Variants in TLN2 observed in about 807,000 individuals in gnomAD.
TLN2 encodes the protein talin-2.
A neutral mutation model predicts 294.7 loss-of-function variants in TLN2; 118 were observed. That is an observed-to-expected ratio of 0.40 (90% CI 0.34 to 0.47). The LOEUF (loss-of-function observed/expected upper bound fraction) is 0.47. TLN2 is among the 20% of genes least tolerant of loss of function. TLN2 has a pLI of 0.84. For missense variants in TLN2, 3,083 were observed against 3,282.2 expected, an observed-to-expected ratio of 0.94 and a Z score of 1.48; for synonymous variants, 1,431 against 1,304.5, an observed-to-expected ratio of 1.10 and a Z score of -2.09.
At chr15:62,646,131 GTCTCGTCTCA>G (rs778581942) in intron 3 of TLN2, among the ~76,000 whole-genome samples, 37 of 151,820 alleles carry the variant, frequency 2.4e-4, no homozygotes, top group East Asian at 3.9e-4. Context: ...CTAAACCTGT[GTCTCGTCTCA>G]TCTCGTCTCA....
chr15:62,623,549 T>C (rs2049015982), intron 3 of TLN2, among the ~76,000 whole-genome samples: 1 of 152,242 alleles, frequency 6.6e-6, no homozygotes, highest in South Asian at 2.1e-4. Flanking sequence ...GAATGCATCG[T>C]ACCTAAATTA....
At chr15:62,600,779 C>G (rs115523892) in intron 2 of TLN2, among the ~76,000 whole-genome samples, 1,966 of 152,348 alleles carry the variant, frequency 0.013, 40 homozygotes, top group African/African-American at 0.045. Flanking sequence ...CCCCTTCCCT[C>G]TTCCCACCCA....
In TLN2 at chr15:62,835,724, CT is replaced by C. The variant is rs1249743751; in HGVS notation, c.7129-12del. 6.2e-7 allele frequency: 1 copy of C among 1,614,138 alleles called. No homozygotes were observed. Among genetic ancestry groups the C allele is most frequent in the Admixed American group, 1.7e-5 (1 of 60,026 alleles). ...CCTGCCCTCATGGCCAATTTCTCGA[CT>C]CTACTCTCTAGGTGGGCTCCATCCC... is the stretch of plus-strand genomic sequence containing the variant. On this transcript the variant is annotated splice_polypyrimidine_tract_variant and intron_variant, in intron 55 of 58. Transcript: ENST00000636159.
chr15:62,692,420 G>T (rs1035370211), intron 12 of TLN2, among the ~76,000 whole-genome samples: 1 of 152,250 alleles, frequency 6.6e-6, no homozygotes, highest in Admixed American at 6.5e-5. Flanking sequence ...AGCCCAGGTT[G>T]TTGAGCTGGA....
chr15:62,410,591 C>T (rs2033713074), intron 1 of TLN2, among the ~76,000 whole-genome samples: 1 of 152,200 alleles, frequency 6.6e-6, no homozygotes, highest in Admixed American at 6.5e-5. Flanking sequence ...TGTTTGAAAA[C>T]TGTTCTTTGT....
rs1472965200 is a variant in TLN2, at chr15:62,805,665, A to AGGT, written c.6545_6546insTGG (p.Gly2182dup). 2.7e-5 allele frequency: 44 copies of AGGT among 1,614,044 alleles called. No homozygotes were observed. The highest frequency in any genetic ancestry group is 4.2e-6 in the Non-Finnish European group (5 of 1,180,008). ...CTGAAGAATCCATAAGGATGACGAAAGGCATCACCATGGCAACAGCCAAAG... is the reference window on the plus strand; with the variant it reads ...CTGAAGAATCCATAAGGATGACGAAAGGTGGCATCACCATGGCAACAGCCAAAG... On this transcript the variant is annotated inframe_insertion, in exon 51 of 59. Transcript: ENST00000636159.
chr15:62,521,341 C>A (rs2040446399), intron 1 of TLN2, among the ~76,000 whole-genome samples: 1 of 151,942 alleles, frequency 6.6e-6, no homozygotes, highest in Non-Finnish European at 1.5e-5. Context: ...TGTTGTTAAC[C>A]AAAAAACCTA....
chr15:62,678,961 C>G (rs1046760467), intron 11 of TLN2, among the ~76,000 whole-genome samples: 2 of 150,854 alleles, frequency 1.3e-5, no homozygotes, highest in Non-Finnish European at 2.9e-5. Flanking sequence ...ATTGCTTTAG[C>G]AAATGAAGGA....
chr15:62,424,277 C>G (rs1203841905), intron 1 of TLN2, among the ~76,000 whole-genome samples: 2 of 152,192 alleles, frequency 1.3e-5, no homozygotes, highest in Non-Finnish European at 2.9e-5. Context: ...GTACCCTACG[C>G]TCCCTTTGAG....
intron 1 of TLN2, among the ~76,000 whole-genome samples, chr15:62,432,080 G>A (rs1174060649): frequency 1.3e-5 from 2 of 152,052 alleles, no homozygotes; most frequent in African/African-American, 2.4e-5. Flanking sequence ...TGGTGTAATA[G>A]CAGTTGGGCT....
At chr15:62,732,112 T>C (rs1363793498) in intron 28 of TLN2, among the ~76,000 whole-genome samples, 1 of 152,188 alleles carries the variant, frequency 6.6e-6, no homozygotes, top group Admixed American at 6.5e-5. Flanking sequence ...AGGAAAGGTA[T>C]GATAAAATTC....
At chr15:62,697,159 G>A (rs1275086037) in intron 14 of TLN2, among the ~76,000 whole-genome samples, 3 of 152,068 alleles carry the variant, frequency 2.0e-5, no homozygotes, top group Non-Finnish European at 2.9e-5. Flanking sequence ...CCAGGCTGGA[G>A]TACAGTGGCG....
chr15:62,687,303 G>C (rs1363082705), intron 12 of TLN2, among the ~76,000 whole-genome samples: 2 of 152,200 alleles, frequency 1.3e-5, no homozygotes, highest in Non-Finnish European at 2.9e-5. Context: ...TCATTTCCCA[G>C]CTGTGTGACC....
intron 45 of TLN2, among the ~76,000 whole-genome samples, chr15:62,792,251 A>T (rs1033930183): frequency 5.3e-5 from 8 of 152,262 alleles, no homozygotes; most frequent in African/African-American, 1.9e-4. Context: ...TTACCTGCTT[A>T]GAAGAGGCCT....
intron 1 of TLN2, among the ~76,000 whole-genome samples, chr15:62,479,216 G>C (rs2037947320): frequency 6.6e-6 from 1 of 152,152 alleles, no homozygotes; most frequent in Admixed American, 6.5e-5. Context: ...TGATAACCTT[G>C]TGCCTGTGTG....
intron 1 of TLN2, among the ~76,000 whole-genome samples, chr15:62,502,004 G>C (rs2039334193): frequency 6.6e-6 from 1 of 152,110 alleles, no homozygotes; most frequent in Admixed American, 6.5e-5. Flanking sequence ...ATGTGATATG[G>C]CTTTGTGACC....
At chr15:62,561,406 GCGAGAGGAGCTGAGGGCCC>G in intron 1 of TLN2, 1 of 152,354 alleles carries the variant, frequency 6.6e-6, no homozygotes, top group Non-Finnish European at 1.5e-5. Flanking sequence ...TAACGCCTTC[GCGAGAGGAGCTGAGGGCCC>G]TATGCGGAAT....
intron 3 of TLN2, among the ~76,000 whole-genome samples, chr15:62,646,364 T>C (rs896395259): frequency 3.9e-5 from 6 of 152,094 alleles, no homozygotes; most frequent in African/African-American, 1.4e-4. Context: ...TGTTTCACCA[T>C]GTTGGACAGG....
rs2052648741 is a variant in TLN2 at position 62,652,003 on chromosome 15, A to G, written c.235-2A>G. ...GAAATTTGTATGTGGTTTGTGCTCT[A>G]GGATATTTTGGAATATAAAAAGAAA... On this transcript the variant is annotated splice_acceptor_variant, in intron 5 of 58. Transcript: ENST00000636159. LOFTEE classifies it high-confidence loss of function. 1 of 1,607,506 alleles carries G rather than the reference A, an allele frequency of 6.2e-7. No individual in the cohort carries two copies. Among genetic ancestry groups the G allele is most frequent in the Non-Finnish European group, 8.5e-7 (1 of 1,176,200 alleles).
Sources: gnomAD v4.1 joint callset for allele counts (sites outside exome capture counted in the v4.1 genomes callset) on GRCh38, gnomAD v4.1.1 for gene constraint, MANE v1.5 for transcripts, NCBI Gene and HGNC (gene_info 2026-07-23, HGNC 2026-07-21) for gene names.